Variants in POU2F1 observed in about 807,000 individuals in gnomAD.
The protein encoded by POU2F1 is POU class 2 homeobox 1.
POU2F1 carries 16 observed loss-of-function variants against 84.9 expected under a neutral mutation model. That is an observed-to-expected ratio of 0.19 (90% CI 0.13 to 0.29). POU2F1 has a LOEUF of 0.29. POU2F1 is among the 10% of genes least tolerant of loss of function. The pLI is 1.00. For synonymous variants in POU2F1, 368 were observed against 368.3 expected (o/e 1.00, Z 0.01); for missense variants, 738 against 942.6 (o/e 0.78, Z 2.84).
In POU2F1 at chr1:167,396,447, AT is replaced by A. The variant is rs756025900; in HGVS notation, c.1129+23del. Reference sequence around the variant, plus strand: ...ATGCAGGTAAGTGACTGTATAAGACATTTCTTTGTCATTCATTGGAATTTTA... The same window carrying A: ...ATGCAGGTAAGTGACTGTATAAGACATTCTTTGTCATTCATTGGAATTTTA... On this transcript the variant is annotated intron_variant, in intron 10 of 15. Coordinates refer to ENST00000367866, the MANE Select transcript of POU2F1 (RefSeq NM_002697.4). 6 of 1,599,994 alleles carry A rather than the reference AT, an allele frequency of 3.8e-6. No individual in the cohort carries two copies. Among genetic ancestry groups the A allele is most frequent in the Non-Finnish European group, 4.3e-6 (5 of 1,171,542 alleles).
intron 1 of POU2F1, among the ~76,000 whole-genome samples, chr1:167,308,593 A>G (rs1279166137): frequency 1.3e-5 from 2 of 152,068 alleles, no homozygotes; most frequent in African/African-American, 2.4e-5. Flanking sequence ...TGGCATAATC[A>G]TAGCTCACTG....
intron 1 of POU2F1, among the ~76,000 whole-genome samples, chr1:167,301,369 G>A (rs1256826937): frequency 6.6e-6 from 1 of 152,164 alleles, no homozygotes; most frequent in East Asian, 1.9e-4. Flanking sequence ...AAAATACCTT[G>A]CGTTATTTTG....
intron 2 of POU2F1, among the ~76,000 whole-genome samples, chr1:167,355,877 G>A (rs1025378623): frequency 6.6e-6 from 1 of 151,894 alleles, no homozygotes; most frequent in African/African-American, 2.4e-5. Flanking sequence ...TCAGGACTTT[G>A]TATCTTTTAA....
At chr1:167,308,372 CT>C (rs2102592518) in intron 1 of POU2F1, among the ~76,000 whole-genome samples, 1 of 151,202 alleles carries the variant, frequency 6.6e-6, no homozygotes, top group African/African-American at 2.4e-5. Flanking sequence ...CAGCCTGTTT[CT>C]TGACTGATTA....
chr1:167,344,779 G>C (rs1013530337), intron 2 of POU2F1, among the ~76,000 whole-genome samples: 1 of 152,124 alleles, frequency 6.6e-6, no homozygotes, highest in Admixed American at 6.6e-5. Context: ...GGGAGGGGAC[G>C]TTAGAAGGGC....
In POU2F1 at chr1:167,396,291, T is replaced by C; in HGVS notation, c.993T>C (p.Asp331=). The change falls in exon 10 of 16, where the codon GAT becomes GAC. Residue 331 remains aspartate (D), a synonymous_variant. Coordinates refer to ENST00000367866, the MANE Select transcript of POU2F1 (RefSeq NM_002697.4). ...CTGCTCTGTATTGTGTGTAGGGTGA[T>C]GTTGGGCTCGCTATGGGGAAACTAT... The part of the protein sequence containing the change: ...RRIKLGFTQG[D]VGLAMGKLYG... 6.2e-7 allele frequency: 1 copy of C among 1,614,090 alleles called. No homozygotes were observed. The highest frequency in any genetic ancestry group is 8.5e-7 in the Non-Finnish European group (1 of 1,179,952).
At chr1:167,408,551 G>A (rs1028267716) in intron 13 of POU2F1, among the ~76,000 whole-genome samples, 26 of 152,146 alleles carry the variant, frequency 1.7e-4, no homozygotes, top group African/African-American at 5.8e-4. Flanking sequence ...GTGTTGATTC[G>A]TGCTACAATG....
chr1:167,250,567 A>T (rs776500564), intron 1 of POU2F1, among the ~76,000 whole-genome samples: 8 of 152,230 alleles, frequency 5.3e-5, no homozygotes, highest in Non-Finnish European at 1.0e-4. Context: ...TTCCCCTCAG[A>T]GGATACTACT....
rs117871927 is a variant in POU2F1, at chr1:167,345,431, A to G, written c.127+12896A>G. On this transcript the variant is annotated intron_variant, in intron 2 of 15. Transcript: ENST00000367866. ...TAGGGATTTCCTTGTGATACAGGGA[A>G]AACAAAACTGGGAATAGAATGCAAT... is the stretch of plus-strand genomic sequence containing the variant. 5.3e-3 allele frequency among the ~76,000 whole-genome samples: 815 copies of G among 152,350 alleles called. 17 individuals are homozygous for G. Among genetic ancestry groups the G allele is most frequent in the Admixed American group, 0.042 (647 of 15,310 alleles).
At chr1:167,346,250 A>G (rs1199519050) in intron 2 of POU2F1, among the ~76,000 whole-genome samples, 1 of 152,210 alleles carries the variant, frequency 6.6e-6, no homozygotes, top group African/African-American at 2.4e-5. Flanking sequence ...TTAACAATTT[A>G]GCAAACAGCC....
At chr1:167,332,120 C>T (rs547474437) in intron 1 of POU2F1, among the ~76,000 whole-genome samples, 1 of 152,070 alleles carries the variant, frequency 6.6e-6, no homozygotes, top group East Asian at 1.9e-4. Flanking sequence ...TGAGGTGCTT[C>T]CCCCCTTTCC....
At chr1:167,401,690 TTAAAG>T (rs1649220432) in intron 13 of POU2F1, 134 bp downstream of exon 13, 7 of 503,454 alleles carry the variant, frequency 1.4e-5, no homozygotes, top group Admixed American at 8.5e-5. Flanking sequence ...TCAATTTTCT[TTAAAG>T]TAACTCCTTT....
chr1:167,411,884 G>GT (rs1649988706), intron 13 of POU2F1, 75 bp from the exon 14 acceptor site: 3 of 1,350,818 alleles, frequency 2.2e-6, no homozygotes, highest in African/African-American at 1.5e-5. Context: ...TGATTATAGA[G>GT]TTTGGCTGAG....
In POU2F1 at chr1:167,365,522, A is replaced by G; in HGVS notation, c.183A>G (p.Ala61=). 4 of 1,603,728 alleles carry G rather than the reference A, an allele frequency of 2.5e-6. No individual in the cohort carries two copies. The highest frequency in any genetic ancestry group is 3.4e-6 in the Non-Finnish European group (4 of 1,175,554). ...AGCAGCCTGTGCCTGTAGGAGGAGC[A>G]ATCTCAACAGCCCAGGCGCAGGCTT... The part of the protein sequence containing the change: ...FQKQPVPVGG[A]ISTAQAQAFL... The change falls in exon 3 of 16, where the codon GCA becomes GCG. Residue 61 remains alanine (A), a synonymous_variant. Transcript: ENST00000367866.
intron 2 of POU2F1, among the ~76,000 whole-genome samples, chr1:167,341,200 A>G (rs1311075733): frequency 3.9e-5 from 6 of 152,168 alleles, no homozygotes; most frequent in African/African-American, 1.2e-4. Context: ...AGCCATTACC[A>G]TTACCTTTTG....
At chr1:167,330,550 T>C (rs1657014186) in intron 1 of POU2F1, among the ~76,000 whole-genome samples, 1 of 152,210 alleles carries the variant, frequency 6.6e-6, no homozygotes, top group Admixed American at 6.5e-5. Flanking sequence ...AAATTACATC[T>C]CTTACTTTCA....
intron 1 of POU2F1, among the ~76,000 whole-genome samples, chr1:167,298,517 T>A (rs1654441559): frequency 6.6e-6 from 1 of 152,156 alleles, no homozygotes; most frequent in African/African-American, 2.4e-5. Context: ...TCATCATATT[T>A]CTTATCGTAA....
At chr1:167,327,384 T>G (rs1225317849) in intron 1 of POU2F1, among the ~76,000 whole-genome samples, 2 of 152,188 alleles carry the variant, frequency 1.3e-5, no homozygotes, top group Non-Finnish European at 2.9e-5. Flanking sequence ...TGTGTTAAGT[T>G]TCTCCCCCAA....
chr1:167,365,666 T>A, intron 3 of POU2F1, 99 bp downstream of exon 3: 1 of 814,842 alleles, frequency 1.2e-6, no homozygotes. Flanking sequence ...CCTTTTAAAT[T>A]ATTTAAAGCC....
Sources: gnomAD v4.1 joint callset for allele counts (sites outside exome capture counted in the v4.1 genomes callset) on GRCh38, gnomAD v4.1.1 for gene constraint, MANE v1.5 for transcripts, NCBI Gene and HGNC (gene_info 2026-07-23, HGNC 2026-07-21) for gene names.